Variants in TSKS observed in about 807,000 individuals in gnomAD.
TSKS encodes testis-specific serine kinase substrate.
Under a neutral mutation model 68.0 loss-of-function variants are expected in TSKS, and 27 were observed. That is an observed-to-expected ratio of 0.40 (90% CI 0.29 to 0.55). TSKS has a LOEUF of 0.55. TSKS is among the 20% of genes least tolerant of loss of function. TSKS has a pLI of 0.53. For missense variants in TSKS, 806 were observed against 776.0 expected, an observed-to-expected ratio of 1.04 and a Z score of -0.46; for synonymous variants, 331 against 340.4, an observed-to-expected ratio of 0.97 and a Z score of 0.30.
In TSKS at chr19:49,743,424, A is replaced by G. The variant is rs1019716077; in HGVS notation, c.1361+807T>C. Among the ~76,000 whole-genome samples the G allele has an allele frequency of 6.7e-5, 10 of 149,488 alleles. No individual in the cohort carries two copies. In the East Asian group the frequency reaches 2.0e-3, roughly 30 times the overall value. On this transcript the variant is annotated intron_variant, in intron 8 of 10. Transcript: ENST00000246801. ...ATTGAGACACAGTTTCACTCTACCTACTAGGCTGGAGTGCAGTAGCGTGAT... is the reference window on the plus strand; with the variant it reads ...ATTGAGACACAGTTTCACTCTACCTGCTAGGCTGGAGTGCAGTAGCGTGAT...
At chr19:49,754,371 C>A (rs1363848286) in intron 2 of TSKS, among the ~76,000 whole-genome samples, 1 of 151,598 alleles carries the variant, frequency 6.6e-6, no homozygotes, top group Non-Finnish European at 1.5e-5. Flanking sequence ...TGGTGGTGCA[C>A]ACCTGTAATC....
Position 49,743,105 on chromosome 19 carries a change from G to T in TSKS, c.1362-1085C>A, listed in dbSNP as rs190881828. The stretch of plus-strand genomic sequence containing the variant: ...TAAGTGTTTTTTTTTTTTTGAGATG[G>T]AGTCTTGCTGTCGCCCAGGCTGGAG... On this transcript the variant is annotated intron_variant, in intron 8 of 10. Coordinates refer to ENST00000246801, the MANE Select transcript of TSKS (RefSeq NM_021733.2). Among the ~76,000 whole-genome samples, 1,470 of 151,118 alleles carry T rather than the reference G, an allele frequency of 9.7e-3. 21 individuals carry two copies. The highest frequency in any genetic ancestry group is 0.013 in the Non-Finnish European group (896 of 67,774).
At chr19:49,757,845 A>AT (rs1451800816) in intron 2 of TSKS, among the ~76,000 whole-genome samples, 1 of 132,772 alleles carries the variant, frequency 7.5e-6, no homozygotes, top group African/African-American at 2.9e-5. Flanking sequence ...TCTCTGACTT[A>AT]TTTTTCCTGA....
At chr19:49,751,899 C>CAA (rs61310693) in intron 2 of TSKS, among the ~76,000 whole-genome samples, 636 of 41,622 alleles carry the variant, frequency 0.015, no homozygotes, top group East Asian at 0.02. Context: ...CCCAACTCTA[C>CAA]AAAAAAAAAA....
chr19:49,747,808 A>G (rs1284227095), intron 4 of TSKS, among the ~76,000 whole-genome samples: 2 of 152,072 alleles, frequency 1.3e-5, no homozygotes, highest in Non-Finnish European at 2.9e-5. Flanking sequence ...TCGTGGATTC[A>G]AGCAATTCTT....
chr19:49,747,006 C>T, intron 5 of TSKS: 2 of 1,222,340 alleles, frequency 1.6e-6, no homozygotes, highest in Non-Finnish European at 2.2e-6. Flanking sequence ...CCTCCCACAG[C>T]CTGCCTCCAG....
rs375537894 is a variant in TSKS, at chr19:49,746,620, C to T, written c.842G>A (p.Gly281Asp). Reference sequence around the variant, plus strand: ...GGGACTCCCTGGCGGGCCGGGGCAGCCCTGGGACGTGGCGGCGGGGCCCAG... The same window carrying T: ...GGGACTCCCTGGCGGGCCGGGGCAGTCCTGGGACGTGGCGGCGGGGCCCAG... ...NSLGPAATSQ[G>D]CPGPPGSPDK... Residue 281 changes from glycine (G) to aspartate (D), a missense_variant, in exon 6 of 11, where the codon GGC becomes GAC. Coordinates refer to ENST00000246801, the MANE Select transcript of TSKS (RefSeq NM_021733.2). 2.9e-5 allele frequency: 47 copies of T among 1,610,894 alleles called. No individual in the cohort carries two copies. Among genetic ancestry groups the T allele is most frequent in the Non-Finnish European group, 3.9e-5 (46 of 1,179,606 alleles).
At chr19:49,751,379 A>G (rs1160158235) in intron 2 of TSKS, among the ~76,000 whole-genome samples, 2 of 151,966 alleles carry the variant, frequency 1.3e-5, no homozygotes, top group South Asian at 2.1e-4. Context: ...AACAAAAACC[A>G]TAAGAAGCAG....
At position 49,763,053 on chromosome 19, in the gene TSKS, C is replaced by T. The variant is rs115113544; in HGVS notation, c.170+25G>A. The stretch of plus-strand genomic sequence containing the variant: ...AGGTAGTGCTGGGCATTAGAACCAT[C>T]CCTGACAGTGTGCAACAAACCCACC... On this transcript the variant is annotated intron_variant, in intron 1 of 10. Transcript: ENST00000246801. The surrounding 1 kb of genome is among the most constrained non-coding windows in gnomAD (Gnocchi z 4.5). 8.9e-4 allele frequency: 1,431 copies of T among 1,605,784 alleles called. 13 individuals are homozygous for T. In the African/African-American group the frequency reaches 0.017, roughly 20 times the overall value.
intron 2 of TSKS, among the ~76,000 whole-genome samples, chr19:49,755,408 C>T (rs1230537703): frequency 6.6e-6 from 1 of 152,104 alleles, no homozygotes; most frequent in Non-Finnish European, 1.5e-5. Flanking sequence ...CAAATAGGCT[C>T]CAGGGGCCGG....
chr19:49,739,909 T>C lies in TSKS; in HGVS notation c.1646A>G (p.His549Arg). ...KPEEKMATLD[H>R]LHLKMCSLHD... ...GAGGGAGCACATCTTCAAGTGTAGATGGTCCAGAGTGGCCATCTTCTCCCT... is the reference window on the plus strand; with the variant it reads ...GAGGGAGCACATCTTCAAGTGTAGACGGTCCAGAGTGGCCATCTTCTCCCT... The change falls in exon 11 of 11, where the codon CAT (histidine) becomes CGT (arginine). Residue 549 changes from histidine to arginine, a missense_variant. Physicochemically the swap from His to Arg is conservative, Grantham distance 29. Transcript: ENST00000246801. The C allele has an allele frequency of 6.2e-7, 1 of 1,612,670 alleles. No homozygotes were observed. Among genetic ancestry groups the C allele is most frequent in the Non-Finnish European group, 8.5e-7 (1 of 1,178,972 alleles).
chr19:49,745,452 T>G (rs2084290448), intron 6 of TSKS, 56 bp from the exon 7 acceptor site: 2 of 1,378,776 alleles, frequency 1.5e-6, no homozygotes, highest in African/African-American at 1.4e-5. Context: ...GGTCCCCACC[T>G]ACCCCCACGA....
chr19:49,748,530 G>A, intron 2 of TSKS, 61 bp from the exon 3 acceptor site: 1 of 1,520,678 alleles, frequency 6.6e-7, no homozygotes. Flanking sequence ...CCAAGCCCAG[G>A]AAGAATTCCA....
chr19:49,757,344 G>A (rs2084400343), intron 2 of TSKS, among the ~76,000 whole-genome samples: 1 of 152,136 alleles, frequency 6.6e-6, no homozygotes, highest in African/African-American at 2.4e-5. Context: ...CCCTGAGCCA[G>A]GCCCACCCAG....
chr19:49,742,497 T>C (rs1203393770), intron 8 of TSKS, among the ~76,000 whole-genome samples: 1 of 75,926 alleles, frequency 1.3e-5, no homozygotes, highest in Non-Finnish European at 2.6e-5. Flanking sequence ...GGCCCGGCCC[T>C]TTTTTTTTTT....
intron 9 of TSKS, among the ~76,000 whole-genome samples, chr19:49,741,348 A>G (rs974105524): frequency 2.0e-5 from 3 of 152,152 alleles, no homozygotes; most frequent in African/African-American, 7.2e-5. Context: ...CCTATAGTAC[A>G]TTAGGTCAAT....
rs1027892562 is a variant in TSKS, at chr19:49,747,975, C to T, written c.579+110G>A. The stretch of plus-strand genomic sequence containing the variant: ...CTGCCTGCCTCGGCCTCCCAAAGTG[C>T]TGGGATTACAGATGTGAGCCACTGC... On this transcript the variant is annotated intron_variant, in intron 4 of 10. Transcript: ENST00000246801. 14 of 1,051,328 alleles carry T rather than the reference C, an allele frequency of 1.3e-5. No homozygotes were observed. In the African/African-American group the frequency reaches 1.9e-4, roughly 14 times the overall value. 65.1% of individuals were successfully genotyped at this position (1,051,328 alleles called of 1,614,324 possible). A position where few individuals can be genotyped will look rare whatever the true frequency, so the allele number is the denominator to read the frequency against.
chr19:49,751,678 C>G (rs1009308987), intron 2 of TSKS, among the ~76,000 whole-genome samples: 1 of 152,032 alleles, frequency 6.6e-6, no homozygotes, highest in Non-Finnish European at 1.5e-5. Flanking sequence ...GAATATTTGT[C>G]TTTCCTTTTC....
In TSKS at chr19:49,762,112, C is replaced by A; in HGVS notation, c.291G>T (p.Gly97=). ...TGAGGTCTTCCACTGTGGAGTCTGTCCCCGTGGAGTCAGTGGGCTCCATGG... is the reference window on the plus strand; with the variant it reads ...TGAGGTCTTCCACTGTGGAGTCTGTACCCGTGGAGTCAGTGGGCTCCATGG... ...LAAMEPTDST[G]TDSTVEDLSG... The change falls in exon 2 of 11, where the codon GGG becomes GGT. Residue 97 remains glycine (G), a synonymous_variant. Coordinates refer to ENST00000246801, the MANE Select transcript of TSKS (RefSeq NM_021733.2). 2 of 1,614,122 alleles carry A rather than the reference C, an allele frequency of 1.2e-6. No individual in the cohort carries two copies. Among genetic ancestry groups the A allele is most frequent in the Non-Finnish European group, 1.7e-6 (2 of 1,180,026 alleles).
Sources: allele counts gnomAD v4.1 joint callset (sites outside exome capture counted in the v4.1 genomes callset), GRCh38; gene constraint gnomAD v4.1.1; non-coding constraint Gnocchi (gnomAD v3.1); transcripts MANE v1.5; gene names NCBI Gene and HGNC (gene_info 2026-07-23, HGNC 2026-07-21).